Variants in OR6N1 observed in about 807,000 individuals in gnomAD.
The protein encoded by OR6N1 is olfactory receptor 6N1.
For synonymous variants in OR6N1, 170 were observed against 150.7 expected (o/e 1.13, Z -0.94); for missense variants, 394 against 371.7 (o/e 1.06, Z -0.49).
At chr1:158,836,931 G>A in the OR6N1 span, among the ~76,000 whole-genome samples, 1 of 151,570 alleles carries the variant, frequency 6.6e-6, no homozygotes, top group Non-Finnish European at 1.5e-5. Flanking sequence ...TCTAAATATG[G>A]ATTTAAATTT....
chr1:158,786,182 A>T, the OR6N1 span, among the ~76,000 whole-genome samples: 865 of 152,280 alleles, frequency 5.7e-3, 13 homozygotes, highest in African/African-American at 0.02. Context: ...AATTTGGCAA[A>T]GGACATGAAT....
chr1:158,805,449 A>C, the OR6N1 span, among the ~76,000 whole-genome samples: 1 of 152,196 alleles, frequency 6.6e-6, no homozygotes, highest in Non-Finnish European at 1.5e-5. Flanking sequence ...TCTGTAGGAC[A>C]CACTGAGGTG....
the OR6N1 span, among the ~76,000 whole-genome samples, chr1:158,840,317 T>C: frequency 6.6e-6 from 1 of 152,126 alleles, no homozygotes; most frequent in Non-Finnish European, 1.5e-5. Context: ...TTACTCACAG[T>C]TCCGCACGGC....
rs751651520 is a variant in OR6N1 at position 158,765,913 on chromosome 1, G to A, written c.770C>T (p.Ser257Phe). 2 of 1,614,060 alleles carry A rather than the reference G, an allele frequency of 1.2e-6. No individual in the cohort carries two copies. Among genetic ancestry groups the A allele is most frequent in the African/African-American group, 1.3e-5 (1 of 74,932 alleles). ...VVLIFYGSIL[S>F]MYVQLKKSYS... ...GCTCTTCTTCAGCTGCACATACATG[G>A]AAAGGATGCTCCCATAGAAGATGAG... is the stretch of plus-strand genomic sequence containing the variant. The change falls in exon 2 of 2, where the codon TCC becomes TTC. Residue 257 changes from serine to phenylalanine, a missense_variant. Physicochemically the swap from Ser to Phe is radical, Grantham distance 155 (BLOSUM62 -2). Coordinates refer to ENST00000641846, the MANE Select transcript of OR6N1 (RefSeq NM_001005185.2).
the OR6N1 span, among the ~76,000 whole-genome samples, chr1:158,799,194 T>C: frequency 0.13 from 19,278 of 152,230 alleles, 1,492 homozygotes; most frequent in African/African-American, 0.22. Context: ...CCCATTTATC[T>C]CACACCTAGT....
At chr1:158,821,638 G>A in the OR6N1 span, among the ~76,000 whole-genome samples, 1 of 152,038 alleles carries the variant, frequency 6.6e-6, no homozygotes, top group Admixed American at 6.6e-5. Flanking sequence ...GGGTTGAATA[G>A]TATTCCACTG....
At chr1:158,800,417 A>T in the OR6N1 span, among the ~76,000 whole-genome samples, 1 of 152,210 alleles carries the variant, frequency 6.6e-6, no homozygotes, top group East Asian at 1.9e-4. Context: ...GACAATATTA[A>T]AATTGGTTTG....
the OR6N1 span, chr1:158,777,212 C>T: frequency 6.2e-7 from 1 of 1,614,062 alleles, no homozygotes; most frequent in Admixed American, 1.7e-5. Context: ...GCCATCTTGG[C>T]ACAGAGTGTG....
the OR6N1 span, among the ~76,000 whole-genome samples, chr1:158,782,795 G>T: frequency 6.9e-6 from 1 of 145,340 alleles, no homozygotes; most frequent in African/African-American, 2.5e-5. Context: ...TACGTAATTA[G>T]GATTATTAAG....
the OR6N1 span, among the ~76,000 whole-genome samples, chr1:158,784,173 C>T: frequency 3.9e-3 from 595 of 152,260 alleles, 6 homozygotes; most frequent in African/African-American, 0.014. Flanking sequence ...ATGTACACAA[C>T]ATTTACAACC....
At chr1:158,771,815 T>G (rs1657431285) in intron 1 of OR6N1, among the ~76,000 whole-genome samples, 1 of 152,166 alleles carries the variant, frequency 6.6e-6, no homozygotes, top group Non-Finnish European at 1.5e-5. Context: ...ATATAGCCAA[T>G]TTACTAATTT....
chr1:158,770,861 C>T (rs1229851373), intron 1 of OR6N1, among the ~76,000 whole-genome samples: 1 of 152,178 alleles, frequency 6.6e-6, no homozygotes, highest in African/African-American at 2.4e-5. Flanking sequence ...ACCCATAAGA[C>T]AGTTCTCTCC....
At chr1:158,770,326 G>T (rs780784119) in intron 1 of OR6N1, among the ~76,000 whole-genome samples, 2 of 152,056 alleles carry the variant, frequency 1.3e-5, no homozygotes, top group Non-Finnish European at 2.9e-5. Context: ...ATCAGGATCC[G>T]ATCAAGTATT....
chr1:158,783,639 C>T, the OR6N1 span, among the ~76,000 whole-genome samples: 1 of 152,164 alleles, frequency 6.6e-6, no homozygotes, highest in African/African-American at 2.4e-5. Flanking sequence ...CTTTTCATAA[C>T]AACTGCACAT....
the OR6N1 span, among the ~76,000 whole-genome samples, chr1:158,830,103 A>G: frequency 2.0e-4 from 31 of 152,314 alleles, no homozygotes; most frequent in African/African-American, 7.5e-4. Context: ...GAGCCAAACC[A>G]TATCAGGGCA....
At chr1:158,799,192 T>A in the OR6N1 span, among the ~76,000 whole-genome samples, 1 of 152,224 alleles carries the variant, frequency 6.6e-6, no homozygotes, top group South Asian at 2.1e-4. Flanking sequence ...TCCCCATTTA[T>A]CTCACACCTA....
the OR6N1 span, among the ~76,000 whole-genome samples, chr1:158,810,868 T>C: frequency 2.6e-5 from 4 of 152,238 alleles, no homozygotes; most frequent in South Asian, 8.3e-4. Context: ...ACTTTCATTT[T>C]AATACATGTG....
At chr1:158,815,026 T>C in the OR6N1 span, among the ~76,000 whole-genome samples, 65 of 152,218 alleles carry the variant, frequency 4.3e-4, no homozygotes, top group African/African-American at 1.4e-3. Context: ...CCTATATTTG[T>C]TGGGAAGCTC....
the OR6N1 span, among the ~76,000 whole-genome samples, chr1:158,828,237 C>T: frequency 5.1e-4 from 78 of 152,278 alleles, no homozygotes; most frequent in African/African-American, 1.8e-3. Flanking sequence ...GCCTTCCCAA[C>T]AGTCCCCCAA....
Sources: allele counts gnomAD v4.1 joint callset (sites outside exome capture counted in the v4.1 genomes callset), GRCh38; gene constraint gnomAD v4.1.1; transcripts MANE v1.5; gene names NCBI Gene and HGNC (gene_info 2026-07-23, HGNC 2026-07-21).